KDM5C: variants seen among roughly 807,000 people sequenced by gnomAD.
The protein encoded by KDM5C is lysine-specific demethylase 5C.
Under a neutral mutation model 110.6 loss-of-function variants are expected in KDM5C, and 16 were observed. That is an observed-to-expected ratio of 0.14 (90% CI 0.10 to 0.22). The LOEUF is 0.22. KDM5C is among the 10% of genes least tolerant of loss of function. KDM5C has a pLI of 1.00. For missense variants in KDM5C, 681 were observed against 1,300.9 expected, an observed-to-expected ratio of 0.52 and a Z score of 7.33; for synonymous variants, 511 against 520.4, an observed-to-expected ratio of 0.98 and a Z score of 0.24.
chrX:53,219,447 G>T (rs192650703), intron 2 of KDM5C, among the ~76,000 whole-genome samples: 1 of 112,118 alleles, frequency 8.9e-6, no homozygotes, highest in East Asian at 2.8e-4. Context: ...ACTAGCACCT[G>T]GCCAACCCAG....
At chrX:53,200,440 A>T (rs1195969742) in intron 14 of KDM5C, among the ~76,000 whole-genome samples, 2 of 111,812 alleles carry the variant, frequency 1.8e-5, no homozygotes, top group Non-Finnish European at 3.8e-5. Context: ...CTGAATGTCA[A>T]GATGAGAAGG....
chrX:53,183,575 CT>C (rs782536051), intron 25 of KDM5C, among the ~76,000 whole-genome samples: 10 of 90,925 alleles, frequency 1.1e-4, no homozygotes, highest in South Asian at 5.0e-4. Context: ...TTTTTTTTTT[CT>C]TTTTTTTTTT....
In KDM5C at chrX:53,217,865, G is replaced by A. The variant is rs1556852816; in HGVS notation, c.453C>T (p.Ser151=). 1 of 1,211,872 alleles carries A rather than the reference G, an allele frequency of 8.3e-7. No individual in the cohort carries two copies. Residue 151 remains serine, a synonymous_variant, in exon 4 of 26, where the codon TCC becomes TCT. Transcript: ENST00000375401. ...TGCGTTCGTAGTGGGAGCGTAGCAA[G>A]GAGCCAATATTTTTGCCTGGTGGAT... ...LNYPPGKNIG[S]LLRSHYERIV...
rs2146821567 is a variant in KDM5C at position 53,194,439 on chromosome X, C to T, written c.3738G>A (p.Leu1246=). Residue 1246 remains leucine (L), a synonymous_variant, in exon 23 of 26, where the codon CTG becomes CTA. Coordinates refer to ENST00000375401, the MANE Select transcript of KDM5C (RefSeq NM_004187.5). The part of the protein sequence containing the change: ...WEWDTKFLCP[L]CMRSRRPRLE... ...GGCGCGGGCGCCTTGAGCGCATACA[C>T]AGTGGACACAGGAATTTGGTGTCCC... is the stretch of plus-strand genomic sequence containing the variant. The T allele has an allele frequency of 8.3e-7, 1 of 1,210,491 alleles. No homozygotes were observed. The highest frequency in any genetic ancestry group is 1.1e-6 in the Non-Finnish European group (1 of 894,585).
Position 53,224,816 on chromosome X carries a change from C to T in KDM5C, c.74G>A (p.Arg25Gln). 1 of 1,211,383 alleles carries T rather than the reference C, an allele frequency of 8.3e-7. No homozygotes were observed. The highest frequency in any genetic ancestry group is 1.1e-6 in the Non-Finnish European group (1 of 895,059). ...PVFEPSWAEF[R>Q]DPLGYIAKIR... ...TTTCGCGATGTAGCCAAGAGGGTCT[C>T]GGAACTCGGCCCAGCTAGGCTCGAA... Residue 25 changes from arginine (R) to glutamine (Q), a missense_variant, in exon 1 of 26, where the codon CGA (arginine) becomes CAA (glutamine). Arg to Gln is a conservative substitution (Grantham distance 43). This residue lies in a region of KDM5C where 15 missense variants were observed against 37.0 expected (regional missense o/e 0.41). Transcript: ENST00000375401.
chrX:53,183,819 C>T (rs987981312), intron 25 of KDM5C, among the ~76,000 whole-genome samples: 4 of 111,180 alleles, frequency 3.6e-5, no homozygotes, highest in African/African-American at 1.3e-4. Context: ...GTGATCTGCC[C>T]GCCTCAGCCT....
At chrX:53,214,465 T>C in intron 8 of KDM5C, 1 of 432,588 alleles carries the variant, frequency 2.3e-6, no homozygotes, top group Non-Finnish European at 4.1e-6. Context: ...CCACATATAG[T>C]CTAATTATGA....
At chrX:53,213,222 G>A (rs1390357495) in intron 8 of KDM5C, among the ~76,000 whole-genome samples, 1 of 111,434 alleles carries the variant, frequency 9.0e-6, no homozygotes, top group Non-Finnish European at 1.9e-5. Context: ...CTGGTCCACT[G>A]ACTTATAACC....
rs1556832842 is a variant in KDM5C at position 53,193,488 on chromosome X, C to G, written c.4266G>C (p.Leu1422=). 3 of 1,211,993 alleles carry G rather than the reference C, an allele frequency of 2.5e-6. No individual in the cohort carries two copies. The highest frequency in any genetic ancestry group is 3.3e-6 in the Non-Finnish European group (3 of 895,566). The change falls in exon 25 of 26, where the codon CTG becomes CTC. Residue 1422 remains leucine, a synonymous_variant. Coordinates refer to ENST00000375401, the MANE Select transcript of KDM5C (RefSeq NM_004187.5). ...GGTCTGGGGGCTGTCCAGCCTGCAG[C>G]AGCTGCCATATGCTGTGGTTCTCAT... ...TLDENHSIWQ[L]LQAGQPPDLE... is the part of the protein sequence containing the mutation.
At chrX:53,210,987 A>T in intron 10 of KDM5C, 130 bp from the exon 11 acceptor site, 1 of 585,514 alleles carries the variant, frequency 1.7e-6, no homozygotes, top group South Asian at 2.5e-5. Flanking sequence ...CTTAAGAAAC[A>T]TATAGGTTTT....
At chrX:53,201,491 C>T in intron 14 of KDM5C, 59 bp downstream of exon 14, 3 of 1,096,050 alleles carry the variant, frequency 2.7e-6, no homozygotes, top group Non-Finnish European at 3.8e-6. Context: ...CTTGGTGCTG[C>T]CTCTGCCTCC....
Position 53,192,869 on chromosome X carries a change from A to AACCCCCCCCCC in KDM5C, c.*97_*98insGGGGGGGGGGT. 2.2e-5 allele frequency: 4 copies of AACCCCCCCCCC among 179,862 alleles called. No homozygotes were observed. Among genetic ancestry groups the AACCCCCCCCCC allele is most frequent in the South Asian group, 9.1e-5 (1 of 10,981 alleles). 14.8% of individuals were successfully genotyped at this position (179,862 alleles called of 1,213,427 possible). On this transcript the variant is annotated 3_prime_UTR_variant, in exon 26 of 26. Coordinates refer to ENST00000375401, the MANE Select transcript of KDM5C (RefSeq NM_004187.5). ...GGGTAGCAGGGATGGCCACCCCCCTACCCGCCCACCCCCCAAGAAGCAGGC... is the reference window on the plus strand; with the variant it reads ...GGGTAGCAGGGATGGCCACCCCCCTAACCCCCCCCCCCCCGCCCACCCCCCAAGAAGCAGGC...
rs186510095 is a variant in KDM5C at position 53,200,949 on chromosome X, G to C, written c.2061+601C>G. ...CCTAGCTGGAGTTAATAAACCATCT[G>C]CATGTAATAAAATGGCAATTCCTGA... On this transcript the variant is annotated intron_variant, in intron 14 of 25. Transcript: ENST00000375401. Among the ~76,000 whole-genome samples the C allele has an allele frequency of 3.3e-4, 37 of 112,489 alleles. No individual in the cohort carries two copies. In the Admixed American group the frequency reaches 3.3e-3, roughly 10 times the overall value.
In KDM5C at chrX:53,192,937, T is replaced by C; in HGVS notation, c.*30A>G. The C allele has an allele frequency of 1.0e-6, 1 of 994,399 alleles. No homozygotes were observed. The highest frequency in any genetic ancestry group is 1.3e-6 in the Non-Finnish European group (1 of 772,272). The allele number at this position is 994,399 out of a possible 1,213,427, so 81.9% of individuals were successfully genotyped here. On this transcript the variant is annotated 3_prime_UTR_variant, in exon 26 of 26. Coordinates refer to ENST00000375401, the MANE Select transcript of KDM5C (RefSeq NM_004187.5). ...GATCCTTGAGGCCGAGGGGGGTCTC[T>C]GTCAGGGTCTGTGCTAGGCTCAGCC...
At chrX:53,215,278 C>T in intron 7 of KDM5C, 1 of 331,063 alleles carries the variant, frequency 3.0e-6, no homozygotes. Context: ...GAAAAGGTAA[C>T]ACCTGAAACT....
chrX:53,203,673 T>C (rs1404496775), intron 12 of KDM5C, among the ~76,000 whole-genome samples: 2 of 111,598 alleles, frequency 1.8e-5, no homozygotes, highest in African/African-American at 6.5e-5. Flanking sequence ...TTTTACAGTA[T>C]ATGCCTTTCT....
intron 12 of KDM5C, among the ~76,000 whole-genome samples, chrX:53,205,519 T>C (rs1338638653): frequency 1.8e-5 from 2 of 112,297 alleles, no homozygotes; most frequent in Non-Finnish European, 3.8e-5. Flanking sequence ...AATTTGACCA[T>C]GTAATGCCTC....
downstream of KDM5C, among the ~76,000 whole-genome samples, chrX:53,188,519 G>A (rs1556828907): frequency 1.8e-5 from 2 of 109,956 alleles, no homozygotes; most frequent in African/African-American, 6.6e-5. Context: ...GGAATTACAG[G>A]CACCCGCGAC....
In KDM5C at chrX:53,192,763, C is replaced by G; in HGVS notation, c.*204G>C. The G allele has an allele frequency of 8.6e-7, 1 of 1,161,897 alleles. No homozygotes were observed. The highest frequency in any genetic ancestry group is 1.1e-6 in the Non-Finnish European group (1 of 870,686). ...TAGAGGCTACCAGGGAGGGAAGACT[C>G]CAGGGGCCGGCCCCCAGGAGCTGAG... On this transcript the variant is annotated 3_prime_UTR_variant, in exon 26 of 26. Transcript: ENST00000375401.
Sources: gnomAD v4.1 joint callset for allele counts (sites outside exome capture counted in the v4.1 genomes callset) on GRCh38, gnomAD v4.1.1 for gene constraint, gnomAD v4.1.1 regional missense constraint, MANE v1.5 for transcripts, NCBI Gene and HGNC (gene_info 2026-07-23, HGNC 2026-07-21) for gene names.